Variants in SMG6 observed in about 807,000 individuals in gnomAD.
SMG6 encodes SMG6 nonsense mediated mRNA decay factor, also known as telomerase-binding protein EST1A.
SMG6 carries 66 observed loss-of-function variants against 142.2 expected under a neutral mutation model. That is an observed-to-expected ratio of 0.46 (90% confidence interval 0.38 to 0.57). The LOEUF (loss-of-function observed/expected upper bound fraction) is 0.57. Ranked by LOEUF, SMG6 falls within the 20% of genes least tolerant of loss-of-function variation. The pLI is 0.00. For synonymous variants in SMG6, 779 were observed against 702.4 expected (o/e 1.11, Z -1.72); for missense variants, 1,793 against 1,832.0 (o/e 0.98, Z 0.39).
intron 13 of SMG6, among the ~76,000 whole-genome samples, chr17:2,138,611 T>C (rs1465183876): frequency 6.6e-6 from 1 of 152,086 alleles, no homozygotes; most frequent in African/African-American, 2.4e-5. Flanking sequence ...CACATATGAA[T>C]CAGCAGATTC....
rs761092700 is a variant in SMG6 at position 2,061,528 on chromosome 17, G to A, written c.4224C>T (p.Asp1408=). Residue 1408 remains aspartate (D), a synonymous_variant, in exon 19 of 19, where the codon GAC becomes GAT. Coordinates refer to ENST00000263073, the MANE Select transcript of SMG6 (RefSeq NM_017575.5). ...KALTRNVPVR[D]IPAFLTWAQV... The stretch of plus-strand genomic sequence containing the variant: ...GGGCCCACGTGAGGAAGGCTGGGAT[G>A]TCCCGTACAGGAACATTCCTTGTGA... 6.3e-7 allele frequency: 1 copy of A among 1,574,832 alleles called. No homozygotes were observed. The highest frequency in any genetic ancestry group is 1.8e-5 in the Admixed American group (1 of 54,678).
intron 8 of SMG6, among the ~76,000 whole-genome samples, chr17:2,275,007 A>C (rs1048669218): frequency 4.3e-5 from 2 of 46,764 alleles, no homozygotes; most frequent in African/African-American, 3.6e-4. Flanking sequence ...AAGCATGGGC[A>C]AAAAAAAAAA....
intron 8 of SMG6, among the ~76,000 whole-genome samples, chr17:2,252,064 C>T (rs2074058074): frequency 6.6e-6 from 1 of 150,864 alleles, no homozygotes; most frequent in Non-Finnish European, 1.5e-5. Flanking sequence ...CGCACCACTG[C>T]ACTCCAGCCT....
chr17:2,298,846 C>T, intron 2 of SMG6, 60 bp downstream of exon 2: 3 of 1,489,552 alleles, frequency 2.0e-6, no homozygotes, highest in Non-Finnish European at 2.7e-6. Flanking sequence ...TCAGCCATAG[C>T]AATCTATACA....
At chr17:2,113,255 A>AT (rs1451282312) in intron 13 of SMG6, among the ~76,000 whole-genome samples, 1 of 149,102 alleles carries the variant, frequency 6.7e-6, no homozygotes, top group East Asian at 2.0e-4. Flanking sequence ...TTTTTTTTTT[A>AT]TTTTTTGTAG....
chr17:2,244,931 G>A (rs2073895506), intron 8 of SMG6: 1 of 571,738 alleles, frequency 1.7e-6, no homozygotes, highest in African/African-American at 1.9e-5. Flanking sequence ...CAGGCTCAGT[G>A]AGCAGACAGC....
In SMG6 at chr17:2,245,167, C is replaced by G. The variant is rs375686453; in HGVS notation, c.2662-448G>C. Among the ~76,000 whole-genome samples the G allele has an allele frequency of 7.2e-5, 11 of 152,268 alleles. No homozygotes were observed. The East Asian group carries it at 1.7e-3, about 24-fold the overall frequency. On this transcript the variant is annotated intron_variant, in intron 8 of 18. Coordinates refer to ENST00000263073, the MANE Select transcript of SMG6 (RefSeq NM_017575.5). ...CTAGGAAAGCAGGACTCTTTGACAA[C>G]CAAGAGCAAGGTAACCCACCACTAA... is the stretch of plus-strand genomic sequence containing the variant.
intron 13 of SMG6, among the ~76,000 whole-genome samples, chr17:2,099,037 C>T (rs1012432677): frequency 3.9e-5 from 6 of 152,112 alleles, no homozygotes; most frequent in Non-Finnish European, 5.9e-5. Flanking sequence ...AGGGGAGGCA[C>T]TAGTGTGTGT....
intron 13 of SMG6, among the ~76,000 whole-genome samples, chr17:2,156,009 C>G (rs1404123987): frequency 6.6e-6 from 1 of 150,926 alleles, no homozygotes; most frequent in East Asian, 1.9e-4. Context: ...GAAAACTGAG[C>G]TGAGCTGCTC....
intron 10 of SMG6, among the ~76,000 whole-genome samples, chr17:2,195,476 T>C (rs1452599020): frequency 6.6e-6 from 1 of 152,126 alleles, no homozygotes; most frequent in Admixed American, 6.5e-5. Context: ...ATACAGTAGG[T>C]TTCCTCAACA....
At chr17:2,111,994 T>C (rs2069334884) in intron 13 of SMG6, among the ~76,000 whole-genome samples, 1 of 152,314 alleles carries the variant, frequency 6.6e-6, no homozygotes, top group East Asian at 1.9e-4. Context: ...GTGGTTTATC[T>C]GGCAGCAAGT....
chr17:2,102,745 C>T (rs1429048061), intron 13 of SMG6, among the ~76,000 whole-genome samples: 5 of 152,108 alleles, frequency 3.3e-5, no homozygotes, highest in African/African-American at 1.2e-4. Context: ...CAGAAAAACA[C>T]ACACCCATCT....
intron 13 of SMG6, among the ~76,000 whole-genome samples, chr17:2,146,410 G>C (rs1226208025): frequency 6.6e-6 from 1 of 152,172 alleles, no homozygotes; most frequent in African/African-American, 2.4e-5. Flanking sequence ...GAGTAAGTAG[G>C]TCACCTGTGC....
chr17:2,258,889 C>A (rs893538655), intron 8 of SMG6, among the ~76,000 whole-genome samples: 15 of 151,724 alleles, frequency 9.9e-5, no homozygotes, highest in Middle Eastern at 3.4e-3. Context: ...ACCAGCCTGG[C>A]CAACATGGTG....
At position 2,127,453 on chromosome 17, in the gene SMG6, G is replaced by A; in HGVS notation, c.3358-41552C>T. On this transcript the variant is annotated intron_variant, in intron 13 of 18. Coordinates refer to ENST00000263073, the MANE Select transcript of SMG6 (RefSeq NM_017575.5). Reference sequence around the variant, plus strand: ...GATCCACAGGTGATAAAATCCCAGAGCTACTGTTAGGCACGTAAATATAGA... The same window carrying A: ...GATCCACAGGTGATAAAATCCCAGAACTACTGTTAGGCACGTAAATATAGA... The A allele has an allele frequency of 3.6e-6, 3 of 830,788 alleles. No homozygotes were observed. The Admixed American group carries it at 5.4e-5, about 15-fold the overall frequency. The allele number at this position is 830,788 out of a possible 1,614,324, so 51.5% of individuals were successfully genotyped here. A position where few individuals can be genotyped will look rare whatever the true frequency, so the allele number is the denominator to read the frequency against.
intron 9 of SMG6, among the ~76,000 whole-genome samples, chr17:2,242,039 G>A (rs1368168347): frequency 6.6e-6 from 1 of 152,096 alleles, no homozygotes; most frequent in Admixed American, 6.6e-5. Context: ...CAACGCACAG[G>A]ACAGCCCCTC....
At position 2,109,934 on chromosome 17, in the gene SMG6, T is replaced by C. The variant is rs144660383; in HGVS notation, c.3358-24033A>G. Among the ~76,000 whole-genome samples, 12 of 151,892 alleles carry C rather than the reference T, an allele frequency of 7.9e-5. No homozygotes were observed. In the East Asian group the frequency reaches 2.3e-3, roughly 29 times the overall value. ...TCTGTTTCTACTAAAAATACAAAAA[T>C]TAGCCAGGCGTGGTGGTGCACGTCT... is the stretch of plus-strand genomic sequence containing the variant. On this transcript the variant is annotated intron_variant, in intron 13 of 18. Coordinates refer to ENST00000263073, the MANE Select transcript of SMG6 (RefSeq NM_017575.5).
At chr17:2,244,994 A>T in intron 8 of SMG6, 1 of 442,654 alleles carries the variant, frequency 2.3e-6, no homozygotes, top group Non-Finnish European at 4.1e-6. Context: ...GTGAATCCTA[A>T]TAAGCAGGAT....
At chr17:2,191,773 G>A (rs941431762) in intron 10 of SMG6, among the ~76,000 whole-genome samples, 2 of 152,092 alleles carry the variant, frequency 1.3e-5, no homozygotes, top group Non-Finnish European at 2.9e-5. Flanking sequence ...CTATGTAACA[G>A]GGAGACTTTC....
Sources: allele counts gnomAD v4.1 joint callset (sites outside exome capture counted in the v4.1 genomes callset), GRCh38; gene constraint gnomAD v4.1.1; transcripts MANE v1.5; gene names NCBI Gene and HGNC (gene_info 2026-07-23, HGNC 2026-07-21).